Variants in TXNRD1 observed in about 807,000 individuals in gnomAD.
The protein encoded by TXNRD1 is thioredoxin reductase 1, cytoplasmic.
In TXNRD1, 57 loss-of-function variants were observed where a neutral mutation model predicts 80.3. That is an observed-to-expected ratio of 0.71 (90% confidence interval 0.57 to 0.89). The LOEUF is 0.89. Among genes scored for constraint, TXNRD1 ranks in the 40% least tolerant of loss-of-function variants. The probability of loss-of-function intolerance (pLI) is 0.00; values close to 1 mark genes in which losing one functional copy is unlikely to be tolerated. For synonymous variants in TXNRD1, 291 were observed against 285.2 expected, an observed-to-expected ratio of 1.02 and a Z score of -0.20; for missense variants, 730 against 803.0, an observed-to-expected ratio of 0.91 and a Z score of 1.10.
chr12:104,282,239 A>G (rs2033894138), intron 3 of TXNRD1, among the ~76,000 whole-genome samples: 1 of 152,212 alleles, frequency 6.6e-6, no homozygotes, highest in Non-Finnish European at 1.5e-5. Context: ...GGCAGTGGGC[A>G]AAATTAGTCC....
At chr12:104,280,772 A>C (rs1052980341) in intron 3 of TXNRD1, 1 of 152,102 alleles carries the variant, frequency 6.6e-6, no homozygotes, top group African/African-American at 2.4e-5. Flanking sequence ...CGTTAGTCTC[A>C]AGATTGCCAC....
chr12:104,299,490 C>T (rs1202957448), intron 4 of TXNRD1, among the ~76,000 whole-genome samples: 3 of 151,928 alleles, frequency 2.0e-5, no homozygotes, highest in Non-Finnish European at 4.4e-5. Flanking sequence ...GAGAAACTGC[C>T]AGGCACAGTG....
chr12:104,279,591 T>C (rs2033832994), intron 3 of TXNRD1, among the ~76,000 whole-genome samples: 1 of 152,170 alleles, frequency 6.6e-6, no homozygotes, highest in Non-Finnish European at 1.5e-5. Context: ...CAGTTAGTAA[T>C]AGAACCTGGA....
At chr12:104,265,971 A>C in intron 3 of TXNRD1, 1 of 614,602 alleles carries the variant, frequency 1.6e-6, no homozygotes, top group Non-Finnish European at 2.8e-6. Flanking sequence ...AAAAAAAAGA[A>C]AAGAAATAAT....
At chr12:104,294,320 T>A (rs2034360511) in intron 4 of TXNRD1, among the ~76,000 whole-genome samples, 1 of 149,648 alleles carries the variant, frequency 6.7e-6, no homozygotes, top group Non-Finnish European at 1.5e-5. Flanking sequence ...ACCACGATCC[T>A]CTTGGTGACG....
intron 6 of TXNRD1, among the ~76,000 whole-genome samples, chr12:104,314,738 CTTTT>C (rs11330431): frequency 2.9e-5 from 3 of 103,662 alleles, no homozygotes; most frequent in Non-Finnish European, 3.7e-5. Flanking sequence ...AAATTTTTTT[CTTTT>C]TTTTTTTTTT....
intron 1 of TXNRD1, among the ~76,000 whole-genome samples, chr12:104,225,067 A>G (rs1042006210): frequency 1.3e-5 from 2 of 152,222 alleles, no homozygotes. Flanking sequence ...TTTAATACTT[A>G]CTAACCATCT....
At chr12:104,263,348 G>A (rs11111960) in intron 3 of TXNRD1, among the ~76,000 whole-genome samples, 90,507 of 152,004 alleles carry the variant, frequency 0.6, 27,387 homozygotes, top group East Asian at 0.84. Flanking sequence ...AGACTATCTC[G>A]TAGAACCTTC....
chr12:104,342,058 C>T (rs2036344053), intron 16 of TXNRD1, among the ~76,000 whole-genome samples: 2 of 152,114 alleles, frequency 1.3e-5, no homozygotes, highest in Admixed American at 6.5e-5. Flanking sequence ...TTCCCAGCAC[C>T]TTGATATTCA....
chr12:104,317,710 CCT>C (rs1685523754), intron 7 of TXNRD1, among the ~76,000 whole-genome samples: 1 of 152,190 alleles, frequency 6.6e-6, no homozygotes, highest in African/African-American at 2.4e-5. Flanking sequence ...GAAGCCCTCT[CCT>C]ATAGTCCCAG....
At chr12:104,244,920 G>A (rs2032944608) in intron 1 of TXNRD1, among the ~76,000 whole-genome samples, 1 of 152,202 alleles carries the variant, frequency 6.6e-6, no homozygotes, top group African/African-American at 2.4e-5. Context: ...GTATAACTTT[G>A]TCCCTGTATC....
chr12:104,226,850 T>TA (rs1202047447), intron 1 of TXNRD1, among the ~76,000 whole-genome samples: 1 of 152,214 alleles, frequency 6.6e-6, no homozygotes, highest in Non-Finnish European at 1.5e-5. Context: ...TTCCCATGTA[T>TA]TATCTAAGAT....
chr12:104,287,312 C>A, intron 3 of TXNRD1: 1 of 1,613,956 alleles, frequency 6.2e-7, no homozygotes, highest in Non-Finnish European at 8.5e-7. Context: ...TGTGCGGTTT[C>A]GACCCGGTCA....
chr12:104,318,806 G>T, intron 7 of TXNRD1, 107 bp from the exon 8 acceptor site: 1 of 1,177,048 alleles, frequency 8.5e-7, no homozygotes, highest in East Asian at 2.4e-5. Flanking sequence ...CTTTCAGATT[G>T]CCTTTTAGAG....
chr12:104,323,504 G>C (rs1326773475), intron 10 of TXNRD1, among the ~76,000 whole-genome samples: 322 of 145,200 alleles, frequency 2.2e-3, no homozygotes, highest in Middle Eastern at 7.4e-3. Flanking sequence ...CTCACCTCCC[G>C]GACGGGGCGG....
At chr12:104,255,344 C>G (rs1195600668) in intron 2 of TXNRD1, among the ~76,000 whole-genome samples, 1 of 151,916 alleles carries the variant, frequency 6.6e-6, no homozygotes, top group Non-Finnish European at 1.5e-5. Flanking sequence ...TTACTGTTAT[C>G]TCTGAAATCT....
At chr12:104,275,023 A>G (rs1421046567) in intron 3 of TXNRD1, among the ~76,000 whole-genome samples, 1 of 152,242 alleles carries the variant, frequency 6.6e-6, no homozygotes, top group Non-Finnish European at 1.5e-5. Flanking sequence ...TGTGCATATT[A>G]CGCATGTGTG....
rs375841965 is a variant in TXNRD1 at position 104,242,290 on chromosome 12, C to T, written c.92-9237C>T. ...AGTGTCTGGGTGCGGCGGCTCACGCCTGTAATCCCAGCACTTTGGGAGGCC... is the reference window on the plus strand; with the variant it reads ...AGTGTCTGGGTGCGGCGGCTCACGCTTGTAATCCCAGCACTTTGGGAGGCC... On this transcript the variant is annotated intron_variant, in intron 1 of 16. Transcript: ENST00000525566. Among the ~76,000 whole-genome samples the T allele has an allele frequency of 4.0e-5, 6 of 151,210 alleles. 1 individual carries two copies. Among genetic ancestry groups the T allele is most frequent in the African/African-American group, 1.5e-4 (6 of 41,274 alleles).
In TXNRD1 at chr12:104,321,090, GTGA is replaced by G. The variant is rs763344257; in HGVS notation, c.994_996del (p.Asp332del). ...CTTCCTTTTTTTTTTTTTTCCCCCAGTGATGATCTTTTCTCCTTGCCTTACTGC... is the reference window on the plus strand; with the variant it reads ...CTTCCTTTTTTTTTTTTTTCCCCCAGTGATCTTTTCTCCTTGCCTTACTGC... On this transcript the variant is annotated inframe_deletion and splice_region_variant, in exon 10 of 17. Transcript: ENST00000525566. The G allele has an allele frequency of 6.4e-7, 1 of 1,564,796 alleles. No individual in the cohort carries two copies. Among genetic ancestry groups the G allele is most frequent in the Non-Finnish European group, 8.7e-7 (1 of 1,146,086 alleles).
Sources: allele counts gnomAD v4.1 joint callset (sites outside exome capture counted in the v4.1 genomes callset), GRCh38; gene constraint gnomAD v4.1.1; transcripts MANE v1.5; gene names NCBI Gene and HGNC (gene_info 2026-07-23, HGNC 2026-07-21).